PTPRM: variants seen among roughly 807,000 people sequenced by gnomAD.
PTPRM encodes the protein receptor-type tyrosine-protein phosphatase mu.
In PTPRM, 47 loss-of-function variants were observed where a neutral mutation model predicts 186.7. The ratio of observed to expected loss-of-function variants is 0.25; its 90% CI spans 0.20 to 0.32. PTPRM has a LOEUF of 0.32. PTPRM is among the 10% of genes least tolerant of loss of function. The probability of loss-of-function intolerance (pLI) is 1.00; values close to 1 mark genes in which losing one functional copy is unlikely to be tolerated. For missense variants in PTPRM, 1,494 were observed against 1,865.0 expected, an observed-to-expected ratio of 0.80 and a Z score of 3.66; for synonymous variants, 668 against 674.9, an observed-to-expected ratio of 0.99 and a Z score of 0.16.
chr18:8,345,791 C>T (rs1398612869), intron 23 of PTPRM, among the ~76,000 whole-genome samples: 7 of 151,806 alleles, frequency 4.6e-5, no homozygotes, highest in Admixed American at 3.3e-4. Context: ...GACAAGACTA[C>T]AGTAAAAGGT....
At chr18:7,606,992 T>G (rs2037546217) in intron 1 of PTPRM, among the ~76,000 whole-genome samples, 2 of 152,078 alleles carry the variant, frequency 1.3e-5, no homozygotes, top group Non-Finnish European at 2.9e-5. Context: ...CCCAGAATTT[T>G]ACTTGTAACC....
chr18:7,894,033 A>G (rs975814000), intron 3 of PTPRM, among the ~76,000 whole-genome samples: 8 of 152,050 alleles, frequency 5.3e-5, no homozygotes, highest in African/African-American at 1.9e-4. Flanking sequence ...AAACAAACAA[A>G]AAAACAATAA....
At chr18:7,587,694 T>C (rs1243749299) in intron 1 of PTPRM, among the ~76,000 whole-genome samples, 1 of 152,214 alleles carries the variant, frequency 6.6e-6, no homozygotes, top group Non-Finnish European at 1.5e-5. Flanking sequence ...AATATTAGTT[T>C]CAATATACTT....
At chr18:8,128,125 AAAT>A (rs2092417369) in intron 13 of PTPRM, among the ~76,000 whole-genome samples, 1 of 152,182 alleles carries the variant, frequency 6.6e-6, no homozygotes, top group Admixed American at 6.6e-5. Flanking sequence ...TAAGGGAAGA[AAAT>A]GCCTCCTTTA....
intron 7 of PTPRM, among the ~76,000 whole-genome samples, chr18:8,061,602 T>TTTAG (rs1375229985): frequency 7.5e-3 from 757 of 101,476 alleles, no homozygotes; most frequent in African/African-American, 0.017. Flanking sequence ...GTACCGGTTG[T>TTTAG]TCCTTTCCAT....
chr18:8,148,024 T>C (rs1302456787), intron 14 of PTPRM, among the ~76,000 whole-genome samples: 5 of 152,232 alleles, frequency 3.3e-5, no homozygotes, highest in African/African-American at 1.2e-4. Flanking sequence ...AGCTTTTTAA[T>C]GTGTTGCTGG....
intron 14 of PTPRM, among the ~76,000 whole-genome samples, chr18:8,209,301 G>C (rs576184437): frequency 2.6e-5 from 4 of 152,274 alleles, no homozygotes; most frequent in Admixed American, 2.6e-4. Context: ...GTGATGGCTG[G>C]TCCCGAGTGG....
chr18:8,158,134 CTCTA>C (rs897903729), intron 14 of PTPRM, among the ~76,000 whole-genome samples: 2 of 152,232 alleles, frequency 1.3e-5, no homozygotes, highest in Non-Finnish European at 2.9e-5. Context: ...CATTTTTAAC[CTCTA>C]TCTATTAGCA....
At position 8,124,777 on chromosome 18, in the gene PTPRM, A is replaced by G. The variant is rs56176861; in HGVS notation, c.2167+9950A>G. Among the ~76,000 whole-genome samples the G allele has an allele frequency of 3.8e-3, 576 of 152,252 alleles. 8 individuals carry two copies. Among genetic ancestry groups the G allele is most frequent in the African/African-American group, 0.013 (549 of 41,540 alleles). ...CCCATTCAACCGTTGTGTTTAATAG[A>G]TCAATCCTGTCCCTTCCAGAAGCCA... On this transcript the variant is annotated intron_variant, in intron 13 of 32. Transcript: ENST00000580170.
chr18:7,986,436 T>G (rs1322322485), intron 7 of PTPRM, among the ~76,000 whole-genome samples: 1 of 152,224 alleles, frequency 6.6e-6, no homozygotes, highest in Non-Finnish European at 1.5e-5. Context: ...TGCCAGCTGT[T>G]GCCTGGGCAG....
intron 23 of PTPRM, among the ~76,000 whole-genome samples, chr18:8,357,850 G>A (rs1285397435): frequency 6.7e-6 from 1 of 148,810 alleles, no homozygotes; most frequent in Non-Finnish European, 1.5e-5. Flanking sequence ...TACAAACTGG[G>A]TAATGATTTT....
At chr18:7,663,869 G>A (rs1056512934) in intron 1 of PTPRM, among the ~76,000 whole-genome samples, 15 of 152,158 alleles carry the variant, frequency 9.9e-5, no homozygotes, top group African/African-American at 3.6e-4. Flanking sequence ...GCCCCCATGG[G>A]ACTAGCTGCC....
intron 7 of PTPRM, among the ~76,000 whole-genome samples, chr18:8,023,735 A>C (rs1330846892): frequency 6.6e-6 from 1 of 152,124 alleles, no homozygotes; most frequent in Non-Finnish European, 1.5e-5. Context: ...AAAACCTTAT[A>C]GAAGCCAACT....
At chr18:8,065,436 G>A (rs1244309679) in intron 7 of PTPRM, among the ~76,000 whole-genome samples, 1 of 152,144 alleles carries the variant, frequency 6.6e-6, no homozygotes, top group Non-Finnish European at 1.5e-5. Flanking sequence ...ATCAGTGGGA[G>A]AGTCGGTAAG....
chr18:7,956,260 A>C (rs758739601), intron 7 of PTPRM, among the ~76,000 whole-genome samples: 1 of 152,214 alleles, frequency 6.6e-6, no homozygotes, highest in Non-Finnish European at 1.5e-5. Context: ...ATTAGATAAG[A>C]ATACATTTAT....
intron 1 of PTPRM, among the ~76,000 whole-genome samples, chr18:7,605,573 G>C (rs796460727): frequency 6.6e-6 from 1 of 152,154 alleles, no homozygotes; most frequent in Non-Finnish European, 1.5e-5. Flanking sequence ...AGCTCTTGTC[G>C]TGAATCGAAC....
chr18:7,728,071 G>C (rs891696742), intron 1 of PTPRM, among the ~76,000 whole-genome samples: 9 of 152,132 alleles, frequency 5.9e-5, no homozygotes, highest in Non-Finnish European at 4.4e-5. Context: ...TTCTTTGAAG[G>C]CTTCCCCAAG....
chr18:7,773,328 C>G (rs1455758812), intron 1 of PTPRM, among the ~76,000 whole-genome samples: 1 of 152,098 alleles, frequency 6.6e-6, no homozygotes, highest in Non-Finnish European at 1.5e-5. Context: ...ATTTTGCAAG[C>G]TGTACCATGG....
rs753346418 is a variant in PTPRM at position 8,296,370 on chromosome 18, C to T, written c.2757C>T (p.Ser919=). The T allele has an allele frequency of 6.3e-7, 1 of 1,598,626 alleles. No homozygotes were observed. Among genetic ancestry groups the T allele is most frequent in the African/African-American group, 1.3e-5 (1 of 74,562 alleles). Residue 919 remains serine (S), a splice_region_variant and synonymous_variant, in exon 20 of 33, where the codon AGC becomes AGT. Coordinates refer to ENST00000580170, the MANE Select transcript of PTPRM (RefSeq NM_001105244.2). ...TCTCAGTCTCACTTTCCTTCTAGAG[C>T]TTCTTTGAAGGGCAGTCTGCACCAT... is the stretch of plus-strand genomic sequence containing the variant. ...EGYGFKEEYE[S]FFEGQSAPWD...
Sources: allele counts gnomAD v4.1 joint callset (sites outside exome capture counted in the v4.1 genomes callset), GRCh38; gene constraint gnomAD v4.1.1; transcripts MANE v1.5; gene names NCBI Gene and HGNC (gene_info 2026-07-23, HGNC 2026-07-21).